C1QTNF12: variants seen among roughly 807,000 people sequenced by gnomAD.
The protein encoded by C1QTNF12 is C1q and TNF related 12, also known as adipolin.
Under a neutral mutation model 34.3 loss-of-function variants are expected in C1QTNF12, and 39 were observed. The ratio of observed to expected loss-of-function variants is 1.14; its 90% confidence interval spans 0.88 to 1.49. C1QTNF12 has a LOEUF of 1.49. C1QTNF12 is among the 40% of genes most tolerant of loss of function. The pLI is 0.00. For synonymous variants in C1QTNF12, 220 were observed against 196.9 expected (o/e 1.12, Z -0.98); for missense variants, 497 against 424.7 (o/e 1.17, Z -1.50).
chr1:1,244,084 G>A lies in C1QTNF12; in HGVS notation c.401C>T (p.Ser134Leu), dbSNP rs938066253. 4 of 1,589,610 alleles carry A rather than the reference G, an allele frequency of 2.5e-6. No homozygotes were observed. The highest frequency in any genetic ancestry group is 3.4e-6 in the Non-Finnish European group (4 of 1,168,314). Residue 134 changes from serine to leucine, a missense_variant, in exon 4 of 8, where the codon TCA becomes TTA. Ser to Leu is a moderately radical substitution (Grantham distance 145). Transcript: ENST00000330388. ...LLKEATERRF[S>L]GLLDPLLPQG... ...GGGCAGCAGCGGGTCCAGAAGCCCT[G>A]AGAACCGGCGCTCCGTGGCCTCTGT...
chr1:1,246,380 G>A lies in C1QTNF12; in HGVS notation c.177+134C>T, dbSNP rs902165368. 78 of 697,126 alleles carry A rather than the reference G, an allele frequency of 1.1e-4. No individual in the cohort carries two copies. The highest frequency in any genetic ancestry group is 3.7e-5 in the African/African-American group (2 of 54,022). The allele number at this position is 697,126 out of a possible 1,614,324, so 43.2% of individuals were successfully genotyped here. On this transcript the variant is annotated intron_variant, in intron 1 of 7. Coordinates refer to ENST00000330388, the MANE Select transcript of C1QTNF12 (RefSeq NM_001014980.3). This position sits in a 1 kb window ranked among gnomAD's most constrained non-coding sequence, Gnocchi z 4.5. ...GGGCTGCAGCAGATTCTCAAGGCGGGACCGTGGCCGAGGCCTCGAAAAGGG... is the reference window on the plus strand; with the variant it reads ...GGGCTGCAGCAGATTCTCAAGGCGGAACCGTGGCCGAGGCCTCGAAAAGGG...
chr1:1,243,121 C>A lies in C1QTNF12; in HGVS notation c.672G>T (p.Leu224=). 1 of 1,586,328 alleles carries A rather than the reference C, an allele frequency of 6.3e-7. No homozygotes were observed. Among genetic ancestry groups the A allele is most frequent in the Non-Finnish European group, 8.6e-7 (1 of 1,167,494 alleles). ...GAACACACACCACGTCCCGGGCCCG[C>A]AGCCGGGCCTTGCCCTGCAGCTCAC... ...DHSELQGKAR[L]RARDVVCVLI... is the part of the protein sequence containing the mutation. The change falls in exon 6 of 8, where the codon CTG becomes CTT. Residue 224 remains leucine (L), a synonymous_variant. Coordinates refer to ENST00000330388, the MANE Select transcript of C1QTNF12 (RefSeq NM_001014980.3).
upstream of C1QTNF12, among the ~76,000 whole-genome samples, chr1:1,246,958 C>T (rs989288745): frequency 1.3e-5 from 2 of 152,038 alleles, no homozygotes; most frequent in African/African-American, 4.8e-5. The surrounding 1 kb of genome is among the most constrained non-coding windows in gnomAD (Gnocchi z 4.5). Context: ...GCCTCCTCCT[C>T]CCCAGACCTC....
rs944560067 is a variant in C1QTNF12 at position 1,244,026 on chromosome 1, G to C, written c.459C>G (p.Ala153=). ...QGAGLRLVGE[A]FHCRLQGPRR... ...GGGGACCCTGCAGCCGGCAGTGAAA[G>C]GCCTCGCCCACCAGCCGCAGGCCCG... The change falls in exon 4 of 8, where the codon GCC becomes GCG. Residue 153 remains alanine (A), a synonymous_variant. Coordinates refer to ENST00000330388, the MANE Select transcript of C1QTNF12 (RefSeq NM_001014980.3). The C allele has an allele frequency of 1.3e-6, 2 of 1,597,926 alleles. No individual in the cohort carries two copies. Among genetic ancestry groups the C allele is most frequent in the South Asian group, 2.2e-5 (2 of 89,304 alleles).
At chr1:1,246,735 G>A (rs1638902884), upstream of C1QTNF12, 2 of 1,208,700 alleles carry the variant, frequency 1.7e-6, no homozygotes, top group Non-Finnish European at 1.0e-6. This position sits in a 1 kb window ranked among gnomAD's most constrained non-coding sequence, Gnocchi z 4.5. Flanking sequence ...TCGGCGCCAG[G>A]GCGCAGTCAT....
In C1QTNF12 at chr1:1,246,637, C is replaced by T. The variant is rs1312754113; in HGVS notation, c.54G>A (p.Val18=). 5.7e-6 allele frequency: 7 copies of T among 1,237,314 alleles called. No individual in the cohort carries two copies. Among genetic ancestry groups the T allele is most frequent in the Non-Finnish European group, 7.1e-6 (7 of 990,876 alleles). The allele number at this position is 1,237,314 out of a possible 1,614,324, so 76.6% of individuals were successfully genotyped here. Residue 18 remains valine (V), a synonymous_variant, in exon 1 of 8, where the codon GTG becomes GTA. Transcript: ENST00000330388. This position sits in a 1 kb window ranked among gnomAD's most constrained non-coding sequence, Gnocchi z 4.5. ...GCCGGGCCCCGACGCCCCCGAGGAGCACGAGCTGCGGCCCGAGGAGGACCA... is the reference window on the plus strand; with the variant it reads ...GCCGGGCCCCGACGCCCCCGAGGAGTACGAGCTGCGGCCCGAGGAGGACCA... ...AVVVLLGPQL[V]LLGGVGARRE... is the part of the protein sequence containing the mutation.
At chr1:1,244,659 T>C in intron 1 of C1QTNF12, 162 bp from the exon 2 acceptor site, 2 of 622,536 alleles carry the variant, frequency 3.2e-6, no homozygotes, top group Non-Finnish European at 5.8e-6. Context: ...GACGTCCCAA[T>C]GCCACCAGCA....
Position 1,246,447 on chromosome 1 carries a change from G to T in C1QTNF12, c.177+67C>A. On this transcript the variant is annotated intron_variant, in intron 1 of 7. Coordinates refer to ENST00000330388, the MANE Select transcript of C1QTNF12 (RefSeq NM_001014980.3). This position sits in a 1 kb window ranked among gnomAD's most constrained non-coding sequence, Gnocchi z 4.5. ...CCGGCAGGGACAGAGCCTGCTGGGG[G>T]AGGACGCCCCAGAGCCCCAGCTCCG... 1.7e-6 allele frequency: 2 copies of T among 1,189,428 alleles called. No homozygotes were observed. Among genetic ancestry groups the T allele is most frequent in the Non-Finnish European group, 2.1e-6 (2 of 950,030 alleles). 73.7% of individuals were successfully genotyped at this position (1,189,428 alleles called of 1,614,324 possible).
At position 1,243,445 on chromosome 1, in the gene C1QTNF12, C is replaced by T. The variant is rs200025535; in HGVS notation, c.639G>A (p.Val213=). 1.7e-4 allele frequency: 267 copies of T among 1,553,296 alleles called. No homozygotes were observed. The highest frequency in any genetic ancestry group is 1.2e-4 in the Admixed American group (6 of 51,670). The change falls in exon 5 of 8, where the codon GTG becomes GTA. Residue 213 remains valine, a splice_region_variant and synonymous_variant. Transcript: ENST00000330388. ...GIFQFSASLH[V]DHSELQGKAR... is the part of the protein sequence containing the mutation. ...ACGGCACTGCCCCATCCGGCTCACC[C>T]ACGTGCAGACTGGCAGAGAACTGGA...
rs1007261156 is a variant in C1QTNF12 at position 1,244,283 on chromosome 1, G to A, written c.295-8C>T. The A allele has an allele frequency of 1.9e-6, 3 of 1,591,812 alleles. No homozygotes were observed. Among genetic ancestry groups the A allele is most frequent in the South Asian group, 2.2e-5 (2 of 89,556 alleles). ...GGGACCGAAGAGATCCCGCTGGGGGGAGAGAGAAGCAGGTGAGGGGCCCAG... is the reference window on the plus strand; with the variant it reads ...GGGACCGAAGAGATCCCGCTGGGGGAAGAGAGAAGCAGGTGAGGGGCCCAG... On this transcript the variant is annotated splice_polypyrimidine_tract_variant and splice_region_variant and intron_variant, in intron 2 of 7. Coordinates refer to ENST00000330388, the MANE Select transcript of C1QTNF12 (RefSeq NM_001014980.3).
Position 1,244,285 on chromosome 1 carries a change from G to A in C1QTNF12, c.295-10C>T. 1 of 1,591,552 alleles carries A rather than the reference G, an allele frequency of 6.3e-7. No homozygotes were observed. The highest frequency in any genetic ancestry group is 1.7e-4 in the Middle Eastern group (1 of 5,974). On this transcript the variant is annotated splice_polypyrimidine_tract_variant and intron_variant, in intron 2 of 7. Coordinates refer to ENST00000330388, the MANE Select transcript of C1QTNF12 (RefSeq NM_001014980.3). ...GACCGAAGAGATCCCGCTGGGGGGA[G>A]AGAGAAGCAGGTGAGGGGCCCAGTG...
intron 7 of C1QTNF12, 76 bp downstream of exon 7, chr1:1,242,759 C>T: frequency 6.3e-7 from 1 of 1,577,340 alleles, no homozygotes; most frequent in Non-Finnish European, 8.7e-7. Context: ...GGTCTGCGCC[C>T]TGAGTGCACC....
intron 1 of C1QTNF12, among the ~76,000 whole-genome samples, chr1:1,245,474 C>G (rs1337006504): frequency 6.6e-6 from 1 of 150,914 alleles, no homozygotes; most frequent in Non-Finnish European, 1.5e-5. Context: ...CCTGAGCACA[C>G]ACCTCACAGC....
upstream of C1QTNF12, among the ~76,000 whole-genome samples, chr1:1,247,199 C>A (rs1638916868): frequency 6.6e-6 from 1 of 152,150 alleles, no homozygotes. Flanking sequence ...TGAACTCAAC[C>A]TGGCTCCCCT....
At position 1,242,551 on chromosome 1, in the gene C1QTNF12, C is replaced by G. The variant is rs915016655; in HGVS notation, c.906G>C (p.Thr302=). The G allele has an allele frequency of 1.9e-6, 3 of 1,562,900 alleles. No homozygotes were observed. The highest frequency in any genetic ancestry group is 3.3e-4 in the Middle Eastern group (2 of 6,004). The change falls in exon 8 of 8, where the codon ACG becomes ACC. Residue 302 remains threonine, a synonymous_variant. Coordinates refer to ENST00000330388, the MANE Select transcript of C1QTNF12 (RefSeq NM_001014980.3). ...GSSFSGLLLG[T] is the part of the protein sequence containing the mutation. ...TCGCCAGCCCCCCTGGGCGCCCTCA[C>G]GTGCCCAGGAGCAGCCCGGAGAAGC...
intron 4 of C1QTNF12, 122 bp from the exon 5 acceptor site, chr1:1,243,674 C>T (rs889611713): frequency 5.7e-6 from 5 of 882,072 alleles, no homozygotes; most frequent in African/African-American, 5.0e-5. Flanking sequence ...GGGACCCTCA[C>T]GCTCACTGTG....
chr1:1,243,184 TG>T (rs757651153), intron 5 of C1QTNF12, 32 bp from the exon 6 acceptor site: 58 of 76,418 alleles, frequency 7.6e-4, no homozygotes, highest in Non-Finnish European at 1.1e-3. Flanking sequence ...GGGTGGTGCA[TG>T]GGGGGCGGGG....
upstream of C1QTNF12, chr1:1,246,788 CA>C: frequency 1.1e-6 from 1 of 925,420 alleles, no homozygotes; most frequent in Non-Finnish European, 1.4e-6. The surrounding 1 kb of genome is among the most constrained non-coding windows in gnomAD (Gnocchi z 4.5). Context: ...GGGCGAGGCC[CA>C]GGGGCGCGCC....
rs1467822541 is a variant in C1QTNF12 at position 1,242,528 on chromosome 1, G to C, written c.*20C>G. 6.5e-7 allele frequency: 1 copy of C among 1,541,760 alleles called. No individual in the cohort carries two copies. The highest frequency in any genetic ancestry group is 1.4e-5 in the African/African-American group (1 of 72,880). On this transcript the variant is annotated 3_prime_UTR_variant, in exon 8 of 8. Coordinates refer to ENST00000330388, the MANE Select transcript of C1QTNF12 (RefSeq NM_001014980.3). ...CCCCGGGATCCGGCGGCAGCTCCTC[G>C]CCAGCCCCCCTGGGCGCCCTCACGT...
Sources: allele counts gnomAD v4.1 joint callset (sites outside exome capture counted in the v4.1 genomes callset), GRCh38; gene constraint gnomAD v4.1.1; non-coding constraint Gnocchi (gnomAD v3.1); transcripts MANE v1.5; gene names NCBI Gene and HGNC (gene_info 2026-07-23, HGNC 2026-07-21).